Variants in TMC2 observed in about 807,000 individuals in gnomAD.
TMC2 encodes transmembrane channel-like protein 2.
Under a neutral mutation model 105.9 loss-of-function variants are expected in TMC2, and 102 were observed. The observed-to-expected ratio is 0.96, with a 90% CI of 0.82 to 1.14. TMC2 has a LOEUF of 1.14. TMC2 is among the 50% of genes most tolerant of loss of function. TMC2 has a pLI of 0.00. For missense variants in TMC2, 1,093 were observed against 1,134.3 expected, an observed-to-expected ratio of 0.96 and a Z score of 0.52; for synonymous variants, 402 against 422.8, an observed-to-expected ratio of 0.95 and a Z score of 0.60.
chr20:2,603,441 A>G (rs1212109631), intron 11 of TMC2, among the ~76,000 whole-genome samples: 1 of 152,244 alleles, frequency 6.6e-6, no homozygotes, highest in East Asian at 1.9e-4. Context: ...CAGTGATTCT[A>G]ATAGATGTAA....
At chr20:2,613,520 CAGTG>C in intron 14 of TMC2, 198 bp downstream of exon 14, 2 of 683,898 alleles carry the variant, frequency 2.9e-6, no homozygotes, top group Non-Finnish European at 4.9e-6. Flanking sequence ...TGCTTTTTCC[CAGTG>C]TAATGAACAA....
At chr20:2,602,826 G>A (rs961194862) in intron 11 of TMC2, among the ~76,000 whole-genome samples, 2 of 152,194 alleles carry the variant, frequency 1.3e-5, no homozygotes, top group African/African-American at 4.8e-5. Flanking sequence ...ATCTGTGGTC[G>A]TTTGTGAAAA....
intron 11 of TMC2, among the ~76,000 whole-genome samples, chr20:2,608,632 A>G (rs557917216): frequency 5.9e-5 from 9 of 151,982 alleles, no homozygotes; most frequent in South Asian, 2.1e-4. Flanking sequence ...CTAGCCCCCA[A>G]TTGTACCTTT....
At chr20:2,636,498 A>ACACG (rs2086646036) in intron 18 of TMC2, among the ~76,000 whole-genome samples, 1 of 148,488 alleles carries the variant, frequency 6.7e-6, no homozygotes, top group Admixed American at 6.7e-5. Flanking sequence ...ACACACGCAC[A>ACACG]CACCCTAAAA....
intron 7 of TMC2, among the ~76,000 whole-genome samples, chr20:2,583,768 G>A (rs887490847): frequency 1.3e-5 from 2 of 151,948 alleles, no homozygotes; most frequent in Non-Finnish European, 2.9e-5. Context: ...CCTCACATAA[G>A]CACATTTTAA....
Position 2,573,851 on chromosome 20 carries a change from C to T in TMC2, c.645+1582C>T, listed in dbSNP as rs940636765. ...CTGGGATTACAGGCGTGAGCCACCA[C>T]GCCCGGCCTCTCTCTTATTAATTCT... On this transcript the variant is annotated intron_variant, in intron 5 of 19. Coordinates refer to ENST00000358864, the MANE Select transcript of TMC2 (RefSeq NM_080751.3). Among the ~76,000 whole-genome samples the T allele has an allele frequency of 4.6e-5, 7 of 152,166 alleles. No individual in the cohort carries two copies. In the South Asian group the frequency reaches 8.3e-4, roughly 18 times the overall value.
At chr20:2,553,894 T>C (rs1226489826) in intron 2 of TMC2, among the ~76,000 whole-genome samples, 1 of 152,210 alleles carries the variant, frequency 6.6e-6, no homozygotes, top group African/African-American at 2.4e-5. Context: ...TGTTTTGTTT[T>C]GTTTTTTGAG....
At chr20:2,545,908 AAAAGAAAGAAATG>A (rs1257164894) in intron 2 of TMC2, among the ~76,000 whole-genome samples, 2 of 121,376 alleles carry the variant, frequency 1.6e-5, no homozygotes, top group Non-Finnish European at 3.6e-5. Context: ...AAGAAAGAAA[AAAAGAAAGAAATG>A]AAAGAAAGAA....
chr20:2,589,678 A>G (rs1398801181), intron 7 of TMC2, among the ~76,000 whole-genome samples: 1 of 151,840 alleles, frequency 6.6e-6, no homozygotes, highest in Non-Finnish European at 1.5e-5. Context: ...TTGTTTGTTA[A>G]TTTGTTTTTG....
In TMC2 at chr20:2,576,508, T is replaced by C. The variant is rs181967060; in HGVS notation, c.646-2638T>C. Among the ~76,000 whole-genome samples, 170 of 152,284 alleles carry C rather than the reference T, an allele frequency of 1.1e-3. 1 individual carries two copies. The highest frequency in any genetic ancestry group is 4.9e-4 in the Non-Finnish European group (33 of 68,026). ...AGGGACCTCACTTGGCAATGTTCAT[T>C]ACCCCTGCTGGTCCTCAGCCTTGCA... is the stretch of plus-strand genomic sequence containing the variant. On this transcript the variant is annotated intron_variant, in intron 5 of 19. Coordinates refer to ENST00000358864, the MANE Select transcript of TMC2 (RefSeq NM_080751.3).
At chr20:2,573,842 G>A (rs2086123147) in intron 5 of TMC2, among the ~76,000 whole-genome samples, 1 of 151,606 alleles carries the variant, frequency 6.6e-6, no homozygotes, top group Non-Finnish European at 1.5e-5. Context: ...TTACAGGCGT[G>A]AGCCACCACG....
intron 2 of TMC2, among the ~76,000 whole-genome samples, chr20:2,551,693 T>C (rs1357605088): frequency 1.3e-5 from 2 of 152,238 alleles, no homozygotes; most frequent in Non-Finnish European, 2.9e-5. Context: ...AAGGTCTGTA[T>C]CTAGATTTTT....
intron 5 of TMC2, among the ~76,000 whole-genome samples, chr20:2,573,599 T>A (rs1432779623): frequency 6.7e-6 from 1 of 148,208 alleles, no homozygotes; most frequent in Non-Finnish European, 1.5e-5. Context: ...CTCACTCTGT[T>A]GCCCAAGCTG....
chr20:2,613,379 T>A (rs2086457132), intron 14 of TMC2, 57 bp downstream of exon 14: 1 of 1,608,282 alleles, frequency 6.2e-7, no homozygotes, highest in South Asian at 1.1e-5. Context: ...TCTTCTTTGA[T>A]ACTTATAGCC....
chr20:2,537,951 G>A (rs2085862317), intron 2 of TMC2, among the ~76,000 whole-genome samples: 1 of 152,164 alleles, frequency 6.6e-6, no homozygotes. Context: ...CCCAGGCAGG[G>A]CTGGGTCCTG....
At chr20:2,553,774 G>A (rs956821164) in intron 2 of TMC2, among the ~76,000 whole-genome samples, 7 of 152,040 alleles carry the variant, frequency 4.6e-5, no homozygotes, top group Admixed American at 6.6e-5. Flanking sequence ...TACTTATTTC[G>A]CTTTGTGTGA....
In TMC2 at chr20:2,612,359, T is replaced by C. The variant is rs1450184931; in HGVS notation, c.1743+19T>C. The C allele has an allele frequency of 4.5e-6, 7 of 1,540,146 alleles. No individual in the cohort carries two copies. The highest frequency in any genetic ancestry group is 6.2e-6 in the Non-Finnish European group (7 of 1,133,106). On this transcript the variant is annotated intron_variant, in intron 13 of 19. Coordinates refer to ENST00000358864, the MANE Select transcript of TMC2 (RefSeq NM_080751.3). The stretch of plus-strand genomic sequence containing the variant: ...GGGCATTGTGAGTAGTTACACTCTC[T>C]AAAAAGGTGACCCCTGTTCTCAGTT...
In TMC2 at chr20:2,596,712, T is replaced by TAC. The variant is rs1308522074; in HGVS notation, c.1077-438_1077-437insCA. On this transcript the variant is annotated intron_variant, in intron 9 of 19. Transcript: ENST00000358864. ...TTTTGCATTTTATATCAGAAAAAAA[T>TAC]ATATATGTGTGTGTGTGTGTGTGTG... 3.2e-5 allele frequency among the ~76,000 whole-genome samples: 4 copies of TAC among 126,196 alleles called. No homozygotes were observed. The East Asian group carries it at 7.5e-4, about 24-fold the overall frequency. The allele number at this position is 126,196 out of a possible 152,430, so 82.8% of individuals were successfully genotyped here.
chr20:2,568,302 G>A (rs1246194373), intron 4 of TMC2, among the ~76,000 whole-genome samples: 1 of 152,176 alleles, frequency 6.6e-6, no homozygotes, highest in Non-Finnish European at 1.5e-5. Context: ...CAGAAACCAT[G>A]AAGGGCATGC....
Sources: gnomAD v4.1 joint callset for allele counts (sites outside exome capture counted in the v4.1 genomes callset) on GRCh38, gnomAD v4.1.1 for gene constraint, MANE v1.5 for transcripts, NCBI Gene and HGNC (gene_info 2026-07-23, HGNC 2026-07-21) for gene names.